OSBPL3: variants seen among roughly 807,000 people sequenced by gnomAD.
OSBPL3 encodes oxysterol-binding protein-related protein 3.
A neutral mutation model predicts 120.1 loss-of-function variants in OSBPL3; 65 were observed. That is an observed-to-expected ratio of 0.54 (90% CI 0.44 to 0.67). The LOEUF is 0.67. Among genes scored for constraint, OSBPL3 ranks in the 30% least tolerant of loss-of-function variants. The pLI is 0.00. For synonymous variants in OSBPL3, 416 were observed against 402.6 expected (o/e 1.03, Z -0.40); for missense variants, 1,004 against 1,082.1 (o/e 0.93, Z 1.01).
At chr7:24,929,896 G>C (rs1811575914) in intron 1 of OSBPL3, among the ~76,000 whole-genome samples, 1 of 152,140 alleles carries the variant, frequency 6.6e-6, no homozygotes, top group African/African-American at 2.4e-5. Flanking sequence ...GATATCTGCT[G>C]TATGCTTATA....
intron 5 of OSBPL3, among the ~76,000 whole-genome samples, chr7:24,869,828 G>A (rs911126167): frequency 6.6e-6 from 1 of 152,174 alleles, no homozygotes; most frequent in Non-Finnish European, 1.5e-5. Flanking sequence ...AGAGGACAGG[G>A]ACACATTAAG....
At chr7:24,885,212 ACT>A (rs1804319173) in intron 2 of OSBPL3, among the ~76,000 whole-genome samples, 1 of 142,548 alleles carries the variant, frequency 7.0e-6, no homozygotes, top group Non-Finnish European at 1.5e-5. Context: ...ACAGAGTGAG[ACT>A]CTGTCTCAAA....
intron 2 of OSBPL3, among the ~76,000 whole-genome samples, chr7:24,888,231 A>C (rs952164222): frequency 1.3e-5 from 2 of 152,226 alleles, no homozygotes; most frequent in African/African-American, 4.8e-5. Flanking sequence ...ATTAATGTTA[A>C]TTATAATGAT....
At chr7:24,837,584 G>A (rs1797167630) in intron 14 of OSBPL3, among the ~76,000 whole-genome samples, 1 of 152,122 alleles carries the variant, frequency 6.6e-6, no homozygotes, top group African/African-American at 2.4e-5. Context: ...TTGAAAGCAT[G>A]CTACTCCACC....
chr7:24,859,152 C>T (rs931497604), intron 10 of OSBPL3, among the ~76,000 whole-genome samples: 2 of 152,014 alleles, frequency 1.3e-5, no homozygotes, highest in East Asian at 1.9e-4. Flanking sequence ...CCTTATAACC[C>T]ACCTCATATC....
chr7:24,934,845 AGAAATTATAATTTTGCT>A (rs1812208921), intron 1 of OSBPL3, among the ~76,000 whole-genome samples: 1 of 152,202 alleles, frequency 6.6e-6, no homozygotes, highest in African/African-American at 2.4e-5. Context: ...TGGAAACGCC[AGAAATTATAATTTTGCT>A]GAAATGCCTT....
chr7:24,931,853 A>T (rs994108318), intron 1 of OSBPL3, among the ~76,000 whole-genome samples: 1 of 152,252 alleles, frequency 6.6e-6, no homozygotes, highest in Non-Finnish European at 1.5e-5. Flanking sequence ...TGCATCAACA[A>T]GACTGATACT....
At chr7:24,864,103 C>T (rs1278122324) in intron 7 of OSBPL3, among the ~76,000 whole-genome samples, 1 of 152,176 alleles carries the variant, frequency 6.6e-6, no homozygotes, top group East Asian at 1.9e-4. Context: ...TTGTACTGGT[C>T]TCTAAGGAAA....
At chr7:24,978,568 C>A (rs1817838472) in intron 1 of OSBPL3, among the ~76,000 whole-genome samples, 1 of 152,162 alleles carries the variant, frequency 6.6e-6, no homozygotes, top group South Asian at 2.1e-4. Flanking sequence ...AGAACCTAGG[C>A]CTGCTTGACT....
upstream of OSBPL3, among the ~76,000 whole-genome samples, chr7:24,981,171 A>G (rs1818299400): frequency 6.6e-6 from 1 of 152,192 alleles, no homozygotes; most frequent in African/African-American, 2.4e-5. This position sits in a 1 kb window ranked among gnomAD's most constrained non-coding sequence, Gnocchi z 7.3. Context: ...GCAAAAAATA[A>G]AAGGCTGACA....
intron 2 of OSBPL3, among the ~76,000 whole-genome samples, chr7:24,885,410 A>G (rs567105828): frequency 6.6e-6 from 1 of 151,812 alleles, no homozygotes; most frequent in Non-Finnish European, 1.5e-5. Context: ...GGCTCTCTGG[A>G]GTGCGGCATA....
rs183334978 is a variant in OSBPL3 at position 24,798,724 on chromosome 7, C to A, written c.*1459G>T. The A allele has an allele frequency of 5.4e-4, 83 of 152,768 alleles. 1 individual carries two copies. Among genetic ancestry groups the A allele is most frequent in the African/African-American group, 2.0e-3 (82 of 41,574 alleles). 9.5% of individuals were successfully genotyped at this position (152,768 alleles called of 1,614,324 possible). ...TAATTATTTTACTCTTCATTCATAACATTCGATATGCTCTGAATTTCTTTA... is the reference window on the plus strand; with the variant it reads ...TAATTATTTTACTCTTCATTCATAAAATTCGATATGCTCTGAATTTCTTTA... On this transcript the variant is annotated 3_prime_UTR_variant, in exon 23 of 23. Coordinates refer to ENST00000313367, the MANE Select transcript of OSBPL3 (RefSeq NM_015550.4). This position sits in a 1 kb window ranked among gnomAD's most constrained non-coding sequence, Gnocchi z 4.6.
chr7:24,804,421 T>C lies in OSBPL3; in HGVS notation c.2461A>G (p.Asn821Asp). The C allele has an allele frequency of 6.2e-7, 1 of 1,613,606 alleles. No homozygotes were observed. The highest frequency in any genetic ancestry group is 2.2e-5 in the East Asian group (1 of 44,874). The change falls in exon 22 of 23, where the codon AAC becomes GAC. Residue 821 changes from asparagine (N) to aspartate (D), a missense_variant. This residue lies in a region of OSBPL3 where 473 missense variants were observed against 568.0 expected (regional missense o/e 0.83). Transcript: ENST00000313367. The surrounding 1 kb of genome is among the most constrained non-coding windows in gnomAD (Gnocchi z 5.4). ...RPDQRFLEEGNLEEAEIQKQR... is the reference protein window; with the variant it reads ...RPDQRFLEEGDLEEAEIQKQR... Reference sequence around the variant, plus strand: ...TTTTGTATTTCAGCTTCTTCTAAGTTCCCTTCCTCTAGAAACCTGAGGCAT... The same window carrying C: ...TTTTGTATTTCAGCTTCTTCTAAGTCCCCTTCCTCTAGAAACCTGAGGCAT...
At position 24,917,446 on chromosome 7, in the gene OSBPL3, TACACACACATATATATATATATACAC is replaced by T. The variant is rs1809822337; in HGVS notation, c.-149-24851_-149-24826del. 3.3e-5 allele frequency among the ~76,000 whole-genome samples: 4 copies of T among 122,222 alleles called. No individual in the cohort carries two copies. The South Asian group carries it at 8.9e-4, about 27-fold the overall frequency. The allele number at this position is 122,222 out of a possible 152,430, so 80.2% of individuals were successfully genotyped here. ...TATATATTTGTAACATATATATATA[TACACACACATATATATATATATACAC>T]ACACACACACACACACTTAAACAGG... On this transcript the variant is annotated intron_variant, in intron 1 of 22. Transcript: ENST00000313367.
rs2128145189 is a variant in OSBPL3, at chr7:24,822,558, CAT to C, written c.1885-2322_1885-2321del. Among the ~76,000 whole-genome samples, 1 of 152,290 alleles carries C rather than the reference CAT, an allele frequency of 6.6e-6. No homozygotes were observed. Among genetic ancestry groups the C allele is most frequent in the African/African-American group, 2.4e-5 (1 of 41,560 alleles). On this transcript the variant is annotated intron_variant, in intron 16 of 22. Transcript: ENST00000313367. The surrounding 1 kb of genome is among the most constrained non-coding windows in gnomAD (Gnocchi z 5.8). ...ATGTTCCTCTCCCCCATAATGTAAA[CAT>C]ATTTTAAAGTGGATTATTATGAAGT...
Position 24,817,841 on chromosome 7 carries a change from AAAAG to A in OSBPL3, c.1949-1157_1949-1154del, listed in dbSNP as rs1794657813. On this transcript the variant is annotated intron_variant, in intron 17 of 22. Coordinates refer to ENST00000313367, the MANE Select transcript of OSBPL3 (RefSeq NM_015550.4). The surrounding 1 kb of genome is among the most constrained non-coding windows in gnomAD (Gnocchi z 4.0). ...AGGTGACAAGTTAGATACAGACTGA[AAAAG>A]AACGAATTTATGAACAATGTCAGAT... Among the ~76,000 whole-genome samples the A allele has an allele frequency of 6.6e-6, 1 of 152,226 alleles. No homozygotes were observed. Among genetic ancestry groups the A allele is most frequent in the South Asian group, 2.1e-4 (1 of 4,826 alleles).
chr7:24,808,876 C>T lies in OSBPL3; in HGVS notation c.2317+931G>A, dbSNP rs1471603493. Reference sequence around the variant, plus strand: ...AAATGTTCCTGAGAAAAGAGAGGCACGAGAGAGGAAAGCTCTTTTGTCCTC... The same window carrying T: ...AAATGTTCCTGAGAAAAGAGAGGCATGAGAGAGGAAAGCTCTTTTGTCCTC... On this transcript the variant is annotated intron_variant, in intron 20 of 22. Coordinates refer to ENST00000313367, the MANE Select transcript of OSBPL3 (RefSeq NM_015550.4). This position sits in a 1 kb window ranked among gnomAD's most constrained non-coding sequence, Gnocchi z 4.6. 2.0e-5 allele frequency among the ~76,000 whole-genome samples: 3 copies of T among 152,144 alleles called. No individual in the cohort carries two copies. The highest frequency in any genetic ancestry group is 1.3e-4 in the Admixed American group (2 of 15,276).
rs1796616583 is a variant in OSBPL3 at position 24,833,340 on chromosome 7, C to T, written c.1746+1146G>A. ...GTAGGACTGCACCGCTGCACTCCAG[C>T]CTGGGTGACAAAGACCCTGACTCAA... On this transcript the variant is annotated intron_variant, in intron 15 of 22. Transcript: ENST00000313367. This position sits in a 1 kb window ranked among gnomAD's most constrained non-coding sequence, Gnocchi z 4.4. Among the ~76,000 whole-genome samples, 2 of 152,110 alleles carry T rather than the reference C, an allele frequency of 1.3e-5. No homozygotes were observed. Among genetic ancestry groups the T allele is most frequent in the Non-Finnish European group, 2.9e-5 (2 of 68,010 alleles).
In OSBPL3 at chr7:24,916,918, A is replaced by ACC. The variant is rs113612398; in HGVS notation, c.-149-24299_-149-24298dup. Among the ~76,000 whole-genome samples, 27,819 of 145,404 alleles carry ACC rather than the reference A, an allele frequency of 0.19. 3,840 individuals carry two copies. Among genetic ancestry groups the ACC allele is most frequent in the African/African-American group, 0.39 (15,387 of 39,932 alleles). On this transcript the variant is annotated intron_variant, in intron 1 of 22. Coordinates refer to ENST00000313367, the MANE Select transcript of OSBPL3 (RefSeq NM_015550.4). The surrounding 1 kb of genome is among the most constrained non-coding windows in gnomAD (Gnocchi z 4.9). ...AGCCACTAAGACGTCTTCCATTTCC[A>ACC]CCCCCCCCAACCTTTTTAGAAAATT...
Sources: gnomAD v4.1 joint callset for allele counts (sites outside exome capture counted in the v4.1 genomes callset) on GRCh38, gnomAD v4.1.1 for gene constraint, gnomAD v4.1.1 regional missense constraint, Gnocchi (gnomAD v3.1) non-coding constraint, MANE v1.5 for transcripts, NCBI Gene and HGNC (gene_info 2026-07-23, HGNC 2026-07-21) for gene names.